PBX3: variants seen among roughly 807,000 people sequenced by gnomAD.
PBX3 encodes PBX homeobox 3.
PBX3 carries 14 observed loss-of-function variants against 48.5 expected under a neutral mutation model. That is an observed-to-expected ratio of 0.29 (90% CI 0.19 to 0.45). PBX3 has a LOEUF of 0.45. Among genes scored for constraint, PBX3 ranks in the 20% least tolerant of loss-of-function variants. The pLI, the probability that PBX3 is intolerant of heterozygous loss-of-function variation, is 1.00. For synonymous variants in PBX3, 210 were observed against 200.3 expected (o/e 1.05, Z -0.41); for missense variants, 386 against 546.7 (o/e 0.71, Z 2.93).
At chr9:125,884,497 A>C (rs1172124250) in intron 2 of PBX3, among the ~76,000 whole-genome samples, 2 of 152,212 alleles carry the variant, frequency 1.3e-5, no homozygotes, top group Non-Finnish European at 2.9e-5. Context: ...ATTGTCTAGA[A>C]ACTGAGAGAA....
intron 3 of PBX3, among the ~76,000 whole-genome samples, chr9:125,923,506 C>T (rs982338458): frequency 2.4e-4 from 37 of 152,060 alleles, no homozygotes; most frequent in African/African-American, 8.7e-4. Context: ...TGGTGGCTTA[C>T]GTCTATAAAT....
intron 2 of PBX3, among the ~76,000 whole-genome samples, chr9:125,893,917 A>T (rs1840708932): frequency 6.6e-6 from 1 of 152,092 alleles, no homozygotes; most frequent in South Asian, 2.1e-4. Context: ...TCTAAGTGAG[A>T]TACAAACTTA....
chr9:125,884,890 G>A, intron 2 of PBX3, among the ~76,000 whole-genome samples: 1 of 152,166 alleles, frequency 6.6e-6, no homozygotes, highest in Admixed American at 6.5e-5. Flanking sequence ...AAAGCATGTA[G>A]AGAGAAGTAT....
chr9:125,755,972 C>G (rs962353623), intron 2 of PBX3, among the ~76,000 whole-genome samples: 2 of 151,856 alleles, frequency 1.3e-5, no homozygotes, highest in African/African-American at 2.4e-5. Flanking sequence ...TATCACTTAT[C>G]TCTTCTCAGA....
At chr9:125,863,571 GTAGA>G (rs1338038751) in intron 2 of PBX3, among the ~76,000 whole-genome samples, 1 of 152,074 alleles carries the variant, frequency 6.6e-6, no homozygotes, top group Non-Finnish European at 1.5e-5. Flanking sequence ...AGTAAGTATA[GTAGA>G]TACTTTCTAA....
In PBX3 at chr9:125,963,019, C is replaced by T; in HGVS notation, c.1130C>T (p.Thr377Ile). The change falls in exon 8 of 9, where the codon ACC (threonine) becomes ATC (isoleucine). Residue 377 changes from threonine (T) to isoleucine (I), a missense_variant. By Grantham distance (89) the Thr-to-Ile change is moderately conservative (BLOSUM62 -1). Transcript: ENST00000373489. Reference sequence around the variant, plus strand: ...GTTTTGTCTCACTTCTAGGTGGATACCCTCCGTCATGTTATCAATCAGACG... The same window carrying T: ...GTTTTGTCTCACTTCTAGGTGGATATCCTCCGTCATGTTATCAATCAGACG... Reference protein sequence around the residue: ...VGANVQSQVDTLRHVINQTGG... With the variant: ...VGANVQSQVDILRHVINQTGG... The T allele has an allele frequency of 6.3e-7, 1 of 1,597,038 alleles. No homozygotes were observed. Among genetic ancestry groups the T allele is most frequent in the Non-Finnish European group, 8.6e-7 (1 of 1,165,952 alleles).
intron 2 of PBX3, among the ~76,000 whole-genome samples, chr9:125,868,200 C>G (rs1840036209): frequency 6.6e-6 from 1 of 151,684 alleles, no homozygotes; most frequent in Non-Finnish European, 1.5e-5. Context: ...TTACATGCTT[C>G]CTGTGTTCTA....
chr9:125,841,712 T>A (rs1363017533), intron 2 of PBX3, among the ~76,000 whole-genome samples: 2 of 152,142 alleles, frequency 1.3e-5, no homozygotes, highest in Non-Finnish European at 2.9e-5. Context: ...CAGAATGCTG[T>A]TGAATGGGCA....
At chr9:125,765,293 C>A (rs574990977) in intron 2 of PBX3, among the ~76,000 whole-genome samples, 1 of 151,814 alleles carries the variant, frequency 6.6e-6, no homozygotes, top group Admixed American at 6.6e-5. Context: ...AGACTACAGG[C>A]GCGCGCCACT....
chr9:125,865,889 C>G (rs1263384234), intron 2 of PBX3, among the ~76,000 whole-genome samples: 1 of 152,066 alleles, frequency 6.6e-6, no homozygotes, highest in Admixed American at 6.5e-5. Flanking sequence ...TTAAGTTAGG[C>G]TGGGTAATGT....
intron 2 of PBX3, among the ~76,000 whole-genome samples, chr9:125,836,681 T>G (rs1839146330): frequency 6.6e-6 from 1 of 152,224 alleles, no homozygotes; most frequent in Admixed American, 6.5e-5. Context: ...CAACATAAAC[T>G]GATGATAAAT....
chr9:125,960,553 A>G (rs1842406298), intron 5 of PBX3, 131 bp from the exon 6 acceptor site: 2 of 732,074 alleles, frequency 2.7e-6, no homozygotes, highest in South Asian at 1.8e-5. Flanking sequence ...TGCATGATCC[A>G]TAGGATGTGA....
intron 2 of PBX3, among the ~76,000 whole-genome samples, chr9:125,791,793 G>A (rs894751048): frequency 2.0e-5 from 3 of 151,958 alleles, no homozygotes; most frequent in African/African-American, 2.4e-5. Context: ...AAAATTAGCC[G>A]GGCGTGGTGG....
chr9:125,912,042 C>G (rs1056928541), intron 2 of PBX3, among the ~76,000 whole-genome samples: 9 of 152,084 alleles, frequency 5.9e-5, no homozygotes, highest in African/African-American at 2.2e-4. Context: ...GGGCTTGGTC[C>G]TTGAAATGAG....
chr9:125,884,181 G>A lies in PBX3; in HGVS notation c.275-31505G>A, dbSNP rs147825516. ...TTTACTGACAGCATTACTAGGATGC[G>A]CAGTATTCAGCAGCTTTGGCATTTC... is the stretch of plus-strand genomic sequence containing the variant. On this transcript the variant is annotated intron_variant, in intron 2 of 8. Coordinates refer to ENST00000373489, the MANE Select transcript of PBX3 (RefSeq NM_006195.6). Among the ~76,000 whole-genome samples, 1,118 of 152,252 alleles carry A rather than the reference G, an allele frequency of 7.3e-3. 11 individuals are homozygous for A. The highest frequency in any genetic ancestry group is 9.0e-3 in the Non-Finnish European group (609 of 68,020).
At chr9:125,950,134 C>T (rs538855374) in intron 5 of PBX3, among the ~76,000 whole-genome samples, 3 of 152,242 alleles carry the variant, frequency 2.0e-5, no homozygotes, top group Admixed American at 6.5e-5. Flanking sequence ...CCCCTCAGCA[C>T]GTGTTTTAGG....
rs532808584 is a variant in PBX3, at chr9:125,819,721, A to G, written c.274+71098A>G. 1.2e-4 allele frequency among the ~76,000 whole-genome samples: 19 copies of G among 152,274 alleles called. No homozygotes were observed. The South Asian group carries it at 3.5e-3, about 28-fold the overall frequency. On this transcript the variant is annotated intron_variant, in intron 2 of 8. Transcript: ENST00000373489. ...TATATATCCAGTGTTTTATATATAT[A>G]TAAAACTGGTGTTTTATGTATATAT...
At chr9:125,799,685 G>C (rs1010767881) in intron 2 of PBX3, among the ~76,000 whole-genome samples, 1 of 152,138 alleles carries the variant, frequency 6.6e-6, no homozygotes, top group African/African-American at 2.4e-5. Context: ...AAGACATGTA[G>C]AGCAGATTCA....
chr9:125,912,683 G>A (rs534747403), intron 2 of PBX3, among the ~76,000 whole-genome samples: 1 of 152,120 alleles, frequency 6.6e-6, no homozygotes, highest in Non-Finnish European at 1.5e-5. Context: ...AAAGAACCTA[G>A]ATGTAAACCT....
Sources: gnomAD v4.1 joint callset for allele counts (sites outside exome capture counted in the v4.1 genomes callset) on GRCh38, gnomAD v4.1.1 for gene constraint, MANE v1.5 for transcripts, NCBI Gene and HGNC (gene_info 2026-07-23, HGNC 2026-07-21) for gene names.